TBC1D9: variants seen among roughly 807,000 people sequenced by gnomAD.
TBC1D9 encodes the protein TBC1 domain family member 9.
Under a neutral mutation model 132.0 loss-of-function variants are expected in TBC1D9, and 63 were observed. The ratio of observed to expected loss-of-function variants is 0.48; its 90% CI spans 0.39 to 0.59. TBC1D9 has a LOEUF of 0.59. Ranked by LOEUF, TBC1D9 falls within the 20% of genes least tolerant of loss-of-function variation. TBC1D9 has a pLI of 0.00. For missense variants in TBC1D9, 1,261 were observed against 1,592.7 expected (o/e 0.79, Z 3.54); for synonymous variants, 610 against 609.9 (o/e 1.00, Z 0.00).
intron 1 of TBC1D9, among the ~76,000 whole-genome samples, chr4:140,709,244 T>TCACACACACACACA (rs1446149939): frequency 5.6e-5 from 6 of 107,346 alleles, no homozygotes; most frequent in African/African-American, 2.1e-4. Context: ...TCTCTCTCTC[T>TCACACACACACACA]CTCTCACACA....
intron 1 of TBC1D9, among the ~76,000 whole-genome samples, chr4:140,737,436 TTC>T (rs60339822): frequency 0.012 from 1,822 of 147,164 alleles, 38 homozygotes; most frequent in Admixed American, 0.05. Flanking sequence ...GCACCCTCCC[TTC>T]TCTCTCTCTC....
intron 12 of TBC1D9, 103 bp downstream of exon 12, chr4:140,657,424 G>A (rs752732761): frequency 5.6e-4 from 753 of 1,355,782 alleles, no homozygotes; most frequent in Non-Finnish European, 3.8e-4. Context: ...AGGAAGAAGC[G>A]GGCATTATGA....
At chr4:140,633,422 G>T (rs1447481005) in intron 16 of TBC1D9, among the ~76,000 whole-genome samples, 1 of 152,170 alleles carries the variant, frequency 6.6e-6, no homozygotes, top group Non-Finnish European at 1.5e-5. Context: ...GGTGAGGTGT[G>T]GGGTGAGGCT....
chr4:140,636,554 A>G (rs544963725), intron 15 of TBC1D9, among the ~76,000 whole-genome samples: 5 of 152,016 alleles, frequency 3.3e-5, no homozygotes, highest in African/African-American at 9.6e-5. Flanking sequence ...GGCTAATGTA[A>G]AAAATATATA....
intron 15 of TBC1D9, 50 bp from the exon 16 acceptor site, chr4:140,634,238 A>G: frequency 6.3e-7 from 1 of 1,587,968 alleles, no homozygotes; most frequent in Non-Finnish European, 8.5e-7. Flanking sequence ...AGCAAATACC[A>G]GAAAGAAAAC....
At chr4:140,664,846 C>T (rs1420358099) in intron 9 of TBC1D9, among the ~76,000 whole-genome samples, 1 of 152,114 alleles carries the variant, frequency 6.6e-6, no homozygotes, top group Admixed American at 6.5e-5. Context: ...CAGTGGCTCA[C>T]GCCTGTAATC....
intron 13 of TBC1D9, among the ~76,000 whole-genome samples, chr4:140,655,119 T>C (rs929312891): frequency 1.3e-5 from 2 of 152,154 alleles, no homozygotes; most frequent in Non-Finnish European, 1.5e-5. Context: ...TTTTTTAAAG[T>C]GTATGTTGTA....
At chr4:140,657,925 C>T (rs1432052694) in intron 11 of TBC1D9, 113 bp from the exon 12 acceptor site, 2 of 1,219,224 alleles carry the variant, frequency 1.6e-6, no homozygotes, top group Non-Finnish European at 1.2e-6. Context: ...TTTCTGCTGA[C>T]TGTTCTGCTG....
At position 140,701,489 on chromosome 4, in the gene TBC1D9, G is replaced by C; in HGVS notation, c.241+15C>G. The C allele has an allele frequency of 6.3e-7, 1 of 1,588,202 alleles. No homozygotes were observed. Among genetic ancestry groups the C allele is most frequent in the Non-Finnish European group, 8.6e-7 (1 of 1,156,788 alleles). On this transcript the variant is annotated intron_variant, in intron 2 of 20. Coordinates refer to ENST00000442267, the MANE Select transcript of TBC1D9 (RefSeq NM_015130.3). ...TTCTTTTAAAACTTGTGTATTTCTG[G>C]ATGTGGTTGCTTACCACAGGCGATG...
intron 13 of TBC1D9, chr4:140,643,983 T>C: frequency 1.8e-6 from 1 of 559,270 alleles, no homozygotes; most frequent in Non-Finnish European, 3.4e-6. Flanking sequence ...CGGCTCTTCC[T>C]CCGGGTCCTC....
intron 1 of TBC1D9, 28 bp from the exon 2 acceptor site, chr4:140,701,642 G>C: frequency 1.3e-6 from 2 of 1,570,680 alleles, no homozygotes; most frequent in Non-Finnish European, 1.8e-6. Flanking sequence ...GGAGAAACAG[G>C]TAAGAATTGC....
intron 1 of TBC1D9, among the ~76,000 whole-genome samples, chr4:140,747,345 C>T (rs1162064885): frequency 7.3e-6 from 1 of 136,436 alleles, no homozygotes; most frequent in Non-Finnish European, 1.6e-5. Context: ...GAGAGAGACT[C>T]TGTCAAAAAA....
intron 13 of TBC1D9, chr4:140,643,332 T>G: frequency 7.4e-7 from 1 of 1,343,696 alleles, no homozygotes; most frequent in South Asian, 1.3e-5. Context: ...TTCCTGCTTC[T>G]CCAAGGCCTG....
At chr4:140,748,509 T>C (rs984796339) in intron 1 of TBC1D9, among the ~76,000 whole-genome samples, 6 of 152,168 alleles carry the variant, frequency 3.9e-5, no homozygotes, top group Non-Finnish European at 7.3e-5. Context: ...CTAAGCAGGA[T>C]TTTTAAACAT....
chr4:140,639,792 A>G lies in TBC1D9; in HGVS notation c.2338-364T>C, dbSNP rs1736950669. Among the ~76,000 whole-genome samples, 3 of 152,228 alleles carry G rather than the reference A, an allele frequency of 2.0e-5. No individual in the cohort carries two copies. The South Asian group carries it at 6.2e-4, about 32-fold the overall frequency. On this transcript the variant is annotated intron_variant, in intron 13 of 20. Coordinates refer to ENST00000442267, the MANE Select transcript of TBC1D9 (RefSeq NM_015130.3). ...CTAACAATTAGACTAGAAGATTGGA[A>G]GAAACCTCCAACCCTGTGTGAGTCT... is the stretch of plus-strand genomic sequence containing the variant.
intron 18 of TBC1D9, among the ~76,000 whole-genome samples, chr4:140,626,004 A>G (rs1199899476): frequency 6.6e-6 from 1 of 152,214 alleles, no homozygotes; most frequent in African/African-American, 2.4e-5. Flanking sequence ...CAAAAAGCAT[A>G]TTTCAATGAT....
chr4:140,668,840 T>A (rs1578832745), intron 9 of TBC1D9, 77 bp downstream of exon 9: 1 of 1,514,868 alleles, frequency 6.6e-7, no homozygotes, highest in Admixed American at 1.9e-5. Context: ...CCCTGAGGCA[T>A]GACTGAAGGC....
At chr4:140,695,594 C>A (rs756024090) in intron 2 of TBC1D9, among the ~76,000 whole-genome samples, 1 of 152,194 alleles carries the variant, frequency 6.6e-6, no homozygotes, top group Non-Finnish European at 1.5e-5. Context: ...TTCTTTAGAT[C>A]ATATCCTTGG....
chr4:140,709,288 A>ACACACACC (rs1491197983), intron 1 of TBC1D9, among the ~76,000 whole-genome samples: 2 of 136,120 alleles, frequency 1.5e-5, no homozygotes, highest in African/African-American at 5.3e-5. Flanking sequence ...ACACACACAC[A>ACACACACC]CCCCAATTCA....
Sources: allele counts gnomAD v4.1 joint callset (sites outside exome capture counted in the v4.1 genomes callset), GRCh38; gene constraint gnomAD v4.1.1; transcripts MANE v1.5; gene names NCBI Gene and HGNC (gene_info 2026-07-23, HGNC 2026-07-21).